ALK: variants seen among roughly 807,000 people sequenced by gnomAD.
The protein encoded by ALK is ALK receptor tyrosine kinase, also known as ALK tyrosine kinase receptor.
Under a neutral mutation model 163.1 loss-of-function variants are expected in ALK, and 74 were observed. The ratio of observed to expected loss-of-function variants is 0.45; its 90% CI spans 0.38 to 0.55. The LOEUF is 0.55. Among genes scored for constraint, ALK ranks in the 20% least tolerant of loss-of-function variants. The pLI is 0.00. For missense variants in ALK, 2,063 were observed against 2,105.3 expected, an observed-to-expected ratio of 0.98 and a Z score of 0.39; for synonymous variants, 960 against 843.2, an observed-to-expected ratio of 1.14 and a Z score of -2.40.
intron 8 of ALK, among the ~76,000 whole-genome samples, chr2:29,305,080 A>G (rs968983015): frequency 1.3e-5 from 2 of 152,196 alleles, no homozygotes; most frequent in Admixed American, 1.3e-4. Flanking sequence ...GAGCTGGGTT[A>G]CTTAGTGCAG....
chr2:29,702,788 C>T (rs1364752651), intron 2 of ALK, among the ~76,000 whole-genome samples: 1 of 152,192 alleles, frequency 6.6e-6, no homozygotes, highest in African/African-American at 2.4e-5. Flanking sequence ...TTTATAAAAC[C>T]ATCAGATCTC....
At chr2:29,863,835 T>C (rs369629622) in intron 1 of ALK, among the ~76,000 whole-genome samples, 23 of 152,256 alleles carry the variant, frequency 1.5e-4, no homozygotes, top group African/African-American at 4.8e-4. Flanking sequence ...CCCATGTTGA[T>C]TGCAGTATTA....
In ALK at chr2:29,227,779, C is replaced by G; in HGVS notation, c.2816-107G>C. 1.2e-6 allele frequency: 1 copy of G among 846,316 alleles called. No homozygotes were observed. Among genetic ancestry groups the G allele is most frequent in the Non-Finnish European group, 2.0e-6 (1 of 498,802 alleles). 52.4% of individuals were successfully genotyped at this position (846,316 alleles called of 1,614,324 possible). A position where few individuals can be genotyped will look rare whatever the true frequency, so the allele number is the denominator to read the frequency against. ...AGCTCTGGCCAAAGTTAGGGGGTCA[C>G]TGGGGACCTCAGGGGCAGGGATGCG... On this transcript the variant is annotated intron_variant, in intron 16 of 28. Transcript: ENST00000389048. This position sits in a 1 kb window ranked among gnomAD's most constrained non-coding sequence, Gnocchi z 4.4.
At chr2:29,775,748 C>T (rs559933941) in intron 1 of ALK, among the ~76,000 whole-genome samples, 1 of 152,234 alleles carries the variant, frequency 6.6e-6, no homozygotes, top group Non-Finnish European at 1.5e-5. Flanking sequence ...CTGTCCATAG[C>T]CTATTGTGAG....
intron 1 of ALK, among the ~76,000 whole-genome samples, chr2:29,738,006 C>G (rs1375205286): frequency 6.6e-6 from 1 of 151,992 alleles, no homozygotes; most frequent in Non-Finnish European, 1.5e-5. Context: ...AATTTGAGCC[C>G]TGAAACCCAG....
chr2:29,581,613 C>T lies in ALK; in HGVS notation c.953-49497G>A, dbSNP rs549940163. On this transcript the variant is annotated intron_variant, in intron 3 of 28. Transcript: ENST00000389048. ...CTGGGAAGGTGAAGTGTGGCCTGGGCGCCTTGAGGCCTGTATTGCCCGTCT... is the reference window on the plus strand; with the variant it reads ...CTGGGAAGGTGAAGTGTGGCCTGGGTGCCTTGAGGCCTGTATTGCCCGTCT... 2.4e-3 allele frequency among the ~76,000 whole-genome samples: 360 copies of T among 152,222 alleles called. 2 individuals are homozygous for T. The highest frequency in any genetic ancestry group is 5.8e-3 in the Admixed American group (89 of 15,292).
chr2:29,693,799 C>T (rs1678472531), intron 3 of ALK, among the ~76,000 whole-genome samples: 1 of 152,256 alleles, frequency 6.6e-6, no homozygotes, highest in East Asian at 1.9e-4. Context: ...GTGGAAAGTG[C>T]CCTTGTCTGG....
intron 11 of ALK, among the ~76,000 whole-genome samples, chr2:29,271,109 G>A (rs771529246): frequency 2.6e-5 from 4 of 152,134 alleles, no homozygotes; most frequent in Admixed American, 6.5e-5. Flanking sequence ...CGGACCTGCC[G>A]GGCCTGAGTG....
intron 26 of ALK, 106 bp downstream of exon 26, chr2:29,207,065 C>T (rs2148151623): frequency 1.2e-6 from 1 of 836,580 alleles, no homozygotes; most frequent in Non-Finnish European, 2.1e-6. Context: ...CTTCTCTTTT[C>T]CCTCCCTACT....
At chr2:29,376,468 A>T (rs540746460) in intron 5 of ALK, among the ~76,000 whole-genome samples, 56 of 152,370 alleles carry the variant, frequency 3.7e-4, no homozygotes, top group African/African-American at 1.3e-3. Flanking sequence ...TAAAGGAACC[A>T]CACCAAAATT....
chr2:29,627,229 A>G (rs1322270191), intron 3 of ALK, among the ~76,000 whole-genome samples: 1 of 152,098 alleles, frequency 6.6e-6, no homozygotes. Context: ...CTCTTGTCCA[A>G]TTAAAACAGA....
chr2:29,363,738 T>G (rs965240307), intron 5 of ALK, among the ~76,000 whole-genome samples: 25 of 152,238 alleles, frequency 1.6e-4, no homozygotes, highest in African/African-American at 5.8e-4. Flanking sequence ...TTCTCACCTC[T>G]GAAAGCAAGA....
chr2:29,743,151 G>A (rs1043243204), intron 1 of ALK, among the ~76,000 whole-genome samples: 1 of 152,132 alleles, frequency 6.6e-6, no homozygotes, highest in African/African-American at 2.4e-5. Flanking sequence ...GGTAGGAGCG[G>A]GGATGGAAAA....
intron 3 of ALK, among the ~76,000 whole-genome samples, chr2:29,640,242 A>T (rs895145068): frequency 2.2e-4 from 33 of 152,324 alleles, no homozygotes; most frequent in African/African-American, 7.9e-4. Flanking sequence ...ATTTGTCCCC[A>T]GTTAAATCTC....
At chr2:29,792,692 G>A (rs1228691617) in intron 1 of ALK, among the ~76,000 whole-genome samples, 2 of 152,086 alleles carry the variant, frequency 1.3e-5, no homozygotes, top group African/African-American at 2.4e-5. Context: ...AATAAAGCAA[G>A]TATTGCAATA....
intron 5 of ALK, among the ~76,000 whole-genome samples, chr2:29,338,705 T>A (rs1165528958): frequency 6.6e-6 from 1 of 152,228 alleles, no homozygotes; most frequent in Non-Finnish European, 1.5e-5. Context: ...GGAGTCCATG[T>A]CACTTATTCA....
At chr2:29,560,660 C>A (rs915246642) in intron 3 of ALK, among the ~76,000 whole-genome samples, 4 of 152,040 alleles carry the variant, frequency 2.6e-5, no homozygotes, top group Non-Finnish European at 4.4e-5. Context: ...CAGCCTTGAC[C>A]TTCCAGATTC....
intron 8 of ALK, among the ~76,000 whole-genome samples, chr2:29,312,050 C>A (rs1666712094): frequency 1.3e-5 from 2 of 151,800 alleles, no homozygotes; most frequent in African/African-American, 4.8e-5. Flanking sequence ...CTGAGCTGGG[C>A]AACACCCCTC....
intron 3 of ALK, among the ~76,000 whole-genome samples, chr2:29,601,359 G>A (rs1353622079): frequency 2.0e-5 from 3 of 152,156 alleles, no homozygotes; most frequent in Admixed American, 2.0e-4. Flanking sequence ...GTGTTCACAG[G>A]GGATAATCAT....
Sources: allele counts gnomAD v4.1 joint callset (sites outside exome capture counted in the v4.1 genomes callset), GRCh38; gene constraint gnomAD v4.1.1; non-coding constraint Gnocchi (gnomAD v3.1); transcripts MANE v1.5; gene names NCBI Gene and HGNC (gene_info 2026-07-23, HGNC 2026-07-21).